Variants in AFAP1 observed in about 807,000 individuals in gnomAD.
AFAP1 encodes actin filament-associated protein 1.
Under a neutral mutation model 93.9 loss-of-function variants are expected in AFAP1, and 75 were observed. The ratio of observed to expected loss-of-function variants is 0.80; its 90% CI spans 0.66 to 0.97. The LOEUF (loss-of-function observed/expected upper bound fraction) is 0.97. Among genes scored for constraint, AFAP1 ranks in the 50% least tolerant of loss-of-function variants. The probability of loss-of-function intolerance (pLI) is 0.00; values close to 1 mark genes in which losing one functional copy is unlikely to be tolerated. For missense variants in AFAP1, 1,201 were observed against 1,050.8 expected, an observed-to-expected ratio of 1.14 and a Z score of -1.98; for synonymous variants, 517 against 430.7, an observed-to-expected ratio of 1.20 and a Z score of -2.48.
intron 1 of AFAP1, among the ~76,000 whole-genome samples, chr4:7,929,710 G>A (rs540081283): frequency 6.6e-6 from 1 of 152,304 alleles, no homozygotes; most frequent in South Asian, 2.1e-4. Context: ...GCCCCACCTG[G>A]GCTGGAATGC....
chr4:7,863,779 T>C (rs908477004), intron 3 of AFAP1, among the ~76,000 whole-genome samples: 2 of 152,216 alleles, frequency 1.3e-5, no homozygotes, highest in African/African-American at 2.4e-5. Flanking sequence ...ACCTTATTTG[T>C]TAAAGAGTTT....
chr4:7,795,026 T>C (rs539486601), intron 10 of AFAP1, among the ~76,000 whole-genome samples: 1 of 152,330 alleles, frequency 6.6e-6, no homozygotes, highest in African/African-American at 2.4e-5. Flanking sequence ...TAAAGATCTC[T>C]AAGTTGAGCT....
intron 11 of AFAP1, among the ~76,000 whole-genome samples, chr4:7,787,789 G>A (rs1419967382): frequency 1.3e-5 from 2 of 152,130 alleles, no homozygotes; most frequent in Admixed American, 1.3e-4. Context: ...AGGGCCTCGG[G>A]GCTCCGAGGG....
chr4:7,847,796 G>GGC lies in AFAP1; in HGVS notation c.335-4447_335-4446insGC, dbSNP rs1485247637. Reference sequence around the variant, plus strand: ...AAGGTTCTATTTCAGGGGTACTCGGGGTGGGGCATTGATTAGATACCATCA... The same window carrying GGC: ...AAGGTTCTATTTCAGGGGTACTCGGGGCGTGGGGCATTGATTAGATACCATCA... On this transcript the variant is annotated intron_variant, in intron 4 of 17. Coordinates refer to ENST00000420658, the MANE Select transcript of AFAP1 (RefSeq NM_001134647.2). 4.2e-4 allele frequency among the ~76,000 whole-genome samples: 43 copies of GGC among 101,368 alleles called. 3 individuals are homozygous for GGC. Among genetic ancestry groups the GGC allele is most frequent in the South Asian group, 1.2e-3 (3 of 2,548 alleles). The allele number at this position is 101,368 out of a possible 152,430, so 66.5% of individuals were successfully genotyped here.
At chr4:7,856,462 G>A (rs62289317) in intron 3 of AFAP1, among the ~76,000 whole-genome samples, 7 of 151,826 alleles carry the variant, frequency 4.6e-5, no homozygotes, top group Non-Finnish European at 7.4e-5. Flanking sequence ...GGATGGTCTC[G>A]AACTCCTGAC....
intron 3 of AFAP1, among the ~76,000 whole-genome samples, chr4:7,863,660 C>G (rs62289323): frequency 0.32 from 47,960 of 151,950 alleles, 7,862 homozygotes; most frequent in South Asian, 0.45. Context: ...ACACATTAGC[C>G]AGGTGGAAAG....
Position 7,829,935 on chromosome 4 carries a change from G to A in AFAP1, c.726+8589C>T, listed in dbSNP as rs532683440. Reference sequence around the variant, plus strand: ...GCATAAGGTTATCTAATACAGAATTGTCTGTAATATCAAAAGACTGAAAGC... The same window carrying A: ...GCATAAGGTTATCTAATACAGAATTATCTGTAATATCAAAAGACTGAAAGC... On this transcript the variant is annotated intron_variant, in intron 6 of 17. Coordinates refer to ENST00000420658, the MANE Select transcript of AFAP1 (RefSeq NM_001134647.2). Among the ~76,000 whole-genome samples, 15 of 152,352 alleles carry A rather than the reference G, an allele frequency of 9.8e-5. No homozygotes were observed. The East Asian group carries it at 2.1e-3, about 22-fold the overall frequency.
chr4:7,759,352 G>GTA lies in AFAP1; in HGVS notation c.*4412_*4413insTA, dbSNP rs1347005359. ...AAGCCGGAACTATTTCATGAACTAC[G>GTA]GGCGAAAGGATGCGTCTGACGCCCA... On this transcript the variant is annotated 3_prime_UTR_variant, in exon 18 of 18. Transcript: ENST00000420658. The GTA allele has an allele frequency of 1.3e-5, 2 of 152,592 alleles. No individual in the cohort carries two copies. Among genetic ancestry groups the GTA allele is most frequent in the African/African-American group, 4.8e-5 (2 of 41,432 alleles). 9.5% of individuals were successfully genotyped at this position (152,592 alleles called of 1,614,324 possible).
chr4:7,847,288 A>G (rs1019177162), intron 4 of AFAP1, among the ~76,000 whole-genome samples: 1 of 152,264 alleles, frequency 6.6e-6, no homozygotes, highest in South Asian at 2.1e-4. Context: ...TGACCCAATC[A>G]AGAGAACTCT....
intron 4 of AFAP1, among the ~76,000 whole-genome samples, chr4:7,849,128 C>G (rs1714142506): frequency 6.6e-6 from 1 of 152,166 alleles, no homozygotes; most frequent in Non-Finnish European, 1.5e-5. Context: ...ACTGGAGCGC[C>G]ACGCAGACCC....
chr4:7,797,156 C>T lies in AFAP1; in HGVS notation c.1266+3286G>A, dbSNP rs527386501. 3.3e-5 allele frequency among the ~76,000 whole-genome samples: 5 copies of T among 152,248 alleles called. No homozygotes were observed. The East Asian group carries it at 7.7e-4, about 23-fold the overall frequency. ...TTAAATGGGAATAAAGGAAAATGGT[C>T]TCGCAGTCGATGCTAGCTAATAAAT... On this transcript the variant is annotated intron_variant, in intron 10 of 17. Transcript: ENST00000420658.
intron 6 of AFAP1, among the ~76,000 whole-genome samples, chr4:7,819,411 T>C (rs1352166170): frequency 6.6e-6 from 1 of 152,246 alleles, no homozygotes; most frequent in Non-Finnish European, 1.5e-5. Flanking sequence ...CTACGTTTCC[T>C]GCTGGCATGG....
Position 7,915,244 on chromosome 4 carries a change from G to A in AFAP1, c.-3+24412C>T, listed in dbSNP as rs1000039660. 3.8e-4 allele frequency among the ~76,000 whole-genome samples: 19 copies of A among 49,510 alleles called. No homozygotes were observed. The East Asian group carries it at 0.016, about 42-fold the overall frequency. The allele number at this position is 49,510 out of a possible 152,430, so 32.5% of individuals were successfully genotyped here. A position where few individuals can be genotyped will look rare whatever the true frequency, so the allele number is the denominator to read the frequency against. ...AGAGTTCCCTTTTCTCCATATCCTCGCCAGCACTTGTTATTTTTTGTCTTC... is the reference window on the plus strand; with the variant it reads ...AGAGTTCCCTTTTCTCCATATCCTCACCAGCACTTGTTATTTTTTGTCTTC... On this transcript the variant is annotated intron_variant, in intron 1 of 17. Coordinates refer to ENST00000420658, the MANE Select transcript of AFAP1 (RefSeq NM_001134647.2).
chr4:7,813,425 T>C (rs887307436), intron 8 of AFAP1, among the ~76,000 whole-genome samples: 1 of 152,246 alleles, frequency 6.6e-6, no homozygotes, highest in Non-Finnish European at 1.5e-5. Context: ...AGGTTGTTCT[T>C]GTTAAGAGGA....
intron 14 of AFAP1, chr4:7,777,486 T>C (rs1352134225): frequency 1.3e-5 from 2 of 152,186 alleles, no homozygotes; most frequent in South Asian, 2.1e-4. Context: ...TTCATTCCCC[T>C]GTGTGGATGC....
chr4:7,924,438 C>G (rs1391738366), intron 1 of AFAP1, among the ~76,000 whole-genome samples: 3 of 152,188 alleles, frequency 2.0e-5, no homozygotes, highest in African/African-American at 7.2e-5. Flanking sequence ...AAAACAGATT[C>G]CCTAACGATG....
intron 1 of AFAP1, among the ~76,000 whole-genome samples, chr4:7,909,501 T>C (rs1577351937): frequency 6.6e-6 from 1 of 152,322 alleles, no homozygotes; most frequent in Non-Finnish European, 1.5e-5. Context: ...AAATTATTGT[T>C]TCATGAAGAA....
intron 17 of AFAP1, among the ~76,000 whole-genome samples, chr4:7,766,254 G>A (rs1405187524): frequency 7.2e-5 from 11 of 152,180 alleles, no homozygotes; most frequent in Admixed American, 7.2e-4. Context: ...AGCCTCCCTG[G>A]GACAGCTATG....
At chr4:7,859,853 T>C (rs1190145834) in intron 3 of AFAP1, among the ~76,000 whole-genome samples, 1 of 152,190 alleles carries the variant, frequency 6.6e-6, no homozygotes, top group East Asian at 1.9e-4. Context: ...AAGTGAATTC[T>C]TTAAACAAAA....
Sources: gnomAD v4.1 joint callset for allele counts (sites outside exome capture counted in the v4.1 genomes callset) on GRCh38, gnomAD v4.1.1 for gene constraint, MANE v1.5 for transcripts, NCBI Gene and HGNC (gene_info 2026-07-23, HGNC 2026-07-21) for gene names.